SBF2: variants seen among roughly 807,000 people sequenced by gnomAD.
SBF2 encodes the protein SET binding factor 2, also known as myotubularin-related protein 13.
In SBF2, 112 loss-of-function variants were observed where a neutral mutation model predicts 225.2. The observed-to-expected ratio is 0.50, with a 90% CI of 0.43 to 0.58. SBF2 has a LOEUF of 0.58. Ranked by LOEUF, SBF2 falls within the 20% of genes least tolerant of loss-of-function variation. The pLI is 0.00. For missense variants in SBF2, 1,996 were observed against 2,206.2 expected (o/e 0.90, Z 1.91); for synonymous variants, 763 against 773.3 (o/e 0.99, Z 0.22).
chr11:10,173,838 A>G (rs544234545), intron 2 of SBF2, among the ~76,000 whole-genome samples: 104 of 151,274 alleles, frequency 6.9e-4, no homozygotes, highest in Non-Finnish European at 1.1e-3. Flanking sequence ...TGCCTCCTCA[A>G]GTGGGTCCCT....
At chr11:9,834,532 C>A (rs1322529793) in intron 26 of SBF2, among the ~76,000 whole-genome samples, 1 of 152,174 alleles carries the variant, frequency 6.6e-6, no homozygotes, top group African/African-American at 2.4e-5. Context: ...TAAATCATAA[C>A]CTTCAACTAC....
chr11:9,848,841 T>C (rs895903144), intron 22 of SBF2, among the ~76,000 whole-genome samples: 2 of 152,264 alleles, frequency 1.3e-5, no homozygotes, highest in African/African-American at 4.8e-5. Context: ...TTATGAACTG[T>C]TGCGCATTAT....
chr11:10,190,475 G>A (rs547013409), intron 2 of SBF2, among the ~76,000 whole-genome samples: 50 of 152,090 alleles, frequency 3.3e-4, no homozygotes, highest in African/African-American at 1.1e-3. Flanking sequence ...AAATCCATCC[G>A]AATTAAAGTT....
intron 2 of SBF2, among the ~76,000 whole-genome samples, chr11:10,144,091 C>T (rs1954778256): frequency 6.6e-6 from 1 of 152,176 alleles, no homozygotes; most frequent in African/African-American, 2.4e-5. Context: ...CTTGATTTAA[C>T]CTTCAAGCCT....
intron 16 of SBF2, among the ~76,000 whole-genome samples, chr11:9,914,386 C>T (rs943161367): frequency 4.6e-5 from 7 of 152,152 alleles, no homozygotes; most frequent in Non-Finnish European, 8.8e-5. Context: ...AACAGATCTG[C>T]ATAGATACAG....
intron 6 of SBF2, among the ~76,000 whole-genome samples, chr11:10,023,136 G>T (rs1948923312): frequency 6.6e-6 from 1 of 151,812 alleles, no homozygotes; most frequent in South Asian, 2.1e-4. Context: ...ACTACTATTG[G>T]TTATCATTTT....
chr11:9,947,816 T>A (rs570319161), intron 16 of SBF2, among the ~76,000 whole-genome samples: 41 of 152,004 alleles, frequency 2.7e-4, no homozygotes, highest in African/African-American at 8.9e-4. Flanking sequence ...ATGGAGAAAC[T>A]GAAACCCTTG....
intron 16 of SBF2, among the ~76,000 whole-genome samples, chr11:9,955,677 A>C (rs574917699): frequency 1.3e-5 from 2 of 152,222 alleles, no homozygotes; most frequent in South Asian, 2.1e-4. Flanking sequence ...CCCTGTAAAG[A>C]ATCTAATAGC....
chr11:10,016,175 C>T (rs1396619571), intron 6 of SBF2, among the ~76,000 whole-genome samples: 1 of 152,104 alleles, frequency 6.6e-6, no homozygotes, highest in Non-Finnish European at 1.5e-5. Context: ...TAATCAGTAT[C>T]ATTTAGTATC....
chr11:10,230,794 T>G (rs1421795382), intron 1 of SBF2, among the ~76,000 whole-genome samples: 1 of 152,154 alleles, frequency 6.6e-6, no homozygotes, highest in South Asian at 2.1e-4. Flanking sequence ...TATCTTGGAG[T>G]TGCTCTTCTC....
At chr11:10,296,126 TA>T (rs527968862), upstream of SBF2, among the ~76,000 whole-genome samples, 212 of 152,338 alleles carry the variant, frequency 1.4e-3, no homozygotes, top group Admixed American at 3.7e-3. Context: ...TTCATATTCA[TA>T]TCATACAATA....
At chr11:9,813,905 G>T (rs1854325809) in intron 29 of SBF2, among the ~76,000 whole-genome samples, 1 of 151,954 alleles carries the variant, frequency 6.6e-6, no homozygotes, top group African/African-American at 2.4e-5. Flanking sequence ...TGACACCACT[G>T]CACTCCAGCG....
At chr11:9,866,302 G>A (rs1013617653) in intron 17 of SBF2, among the ~76,000 whole-genome samples, 1 of 152,002 alleles carries the variant, frequency 6.6e-6, no homozygotes, top group Non-Finnish European at 1.5e-5. Flanking sequence ...AAAGCTGGAA[G>A]CATCACACTA....
At chr11:9,926,068 T>C (rs1169562914) in intron 16 of SBF2, among the ~76,000 whole-genome samples, 1 of 152,248 alleles carries the variant, frequency 6.6e-6, no homozygotes, top group African/African-American at 2.4e-5. Flanking sequence ...ATCTTTCCCC[T>C]TTGATTTTGT....
At chr11:10,037,854 GTT>G (rs1310188893) in intron 3 of SBF2, among the ~76,000 whole-genome samples, 2 of 151,958 alleles carry the variant, frequency 1.3e-5, no homozygotes, top group Non-Finnish European at 2.9e-5. Context: ...TTTCTCCACT[GTT>G]TTATACCATC....
chr11:10,117,166 C>T lies in SBF2; in HGVS notation c.142-74185G>A, dbSNP rs146882338. ...AACAAAAGATATGTATCAGGCCGGG[C>T]GTGGTGGCTCACGCCTGTAATCCCA... On this transcript the variant is annotated intron_variant, in intron 2 of 39. Transcript: ENST00000256190. Among the ~76,000 whole-genome samples the T allele has an allele frequency of 1.6e-3, 237 of 152,184 alleles. 2 individuals are homozygous for T. Among genetic ancestry groups the T allele is most frequent in the African/African-American group, 5.2e-3 (218 of 41,528 alleles).
rs1465205922 is a variant in SBF2 at position 9,846,994 on chromosome 11, TGTTCTGCTGTAGCTG to T, written c.2881_2895del (p.Gln961_Asn965del). The T allele has an allele frequency of 1.4e-5, 22 of 1,613,772 alleles. No individual in the cohort carries two copies. Among genetic ancestry groups the T allele is most frequent in the Non-Finnish European group, 1.8e-5 (21 of 1,179,760 alleles). On this transcript the variant is annotated inframe_deletion, in exon 23 of 40. Coordinates refer to ENST00000256190, the MANE Select transcript of SBF2 (RefSeq NM_030962.4). ...GATGTGATCTGCAGTCCTTCTTGCA[TGTTCTGCTGTAGCTG>T]GTTCTGCATTGTAATCTTCTTCTCC...
chr11:10,061,417 T>C (rs575520523), intron 2 of SBF2, among the ~76,000 whole-genome samples: 43 of 152,340 alleles, frequency 2.8e-4, no homozygotes, highest in Admixed American at 2.6e-3. Flanking sequence ...TGTTTGCAGA[T>C]GACATGATTC....
At chr11:9,792,794 C>T (rs926167291) in intron 33 of SBF2, among the ~76,000 whole-genome samples, 2 of 151,990 alleles carry the variant, frequency 1.3e-5, no homozygotes, top group African/African-American at 4.8e-5. Flanking sequence ...ACCCTGTCAC[C>T]CAGGCTGGAG....
Sources: allele counts gnomAD v4.1 joint callset (sites outside exome capture counted in the v4.1 genomes callset), GRCh38; gene constraint gnomAD v4.1.1; transcripts MANE v1.5; gene names NCBI Gene and HGNC (gene_info 2026-07-23, HGNC 2026-07-21).